Variants in BRWD1 observed in about 807,000 individuals in gnomAD.
The protein encoded by BRWD1 is bromodomain and WD repeat-containing protein 1.
In BRWD1, 82 loss-of-function variants were observed where a neutral mutation model predicts 251.2. That is an observed-to-expected ratio of 0.33 (90% CI 0.27 to 0.39). The LOEUF (loss-of-function observed/expected upper bound fraction) is 0.39, where lower values mean the gene tolerates loss of function less well. BRWD1 is among the 10% of genes least tolerant of loss of function. The pLI, the probability that BRWD1 is intolerant of heterozygous loss-of-function variation, is 1.00. For synonymous variants in BRWD1, 918 were observed against 902.8 expected, an observed-to-expected ratio of 1.02 and a Z score of -0.30; for missense variants, 2,233 against 2,711.6, an observed-to-expected ratio of 0.82 and a Z score of 3.92.
rs75090981 is a variant in BRWD1, at chr21:39,313,589, G to GCGCCGCCGC, written c.-107_-99dup. The GCGCCGCCGC allele has an allele frequency of 3.0e-3, 1,973 of 650,252 alleles. 8 individuals carry two copies. Among genetic ancestry groups the GCGCCGCCGC allele is most frequent in the African/African-American group, 4.8e-3 (245 of 51,344 alleles). 40.3% of individuals were successfully genotyped at this position (650,252 alleles called of 1,614,324 possible). The stretch of plus-strand genomic sequence containing the variant: ...GCTGGCGTCCCCTCTTCTCAGGCGC[G>GCGCCGCCGC]CGCCGCCGCCGCCGCCGCCGCCGCC... On this transcript the variant is annotated 5_prime_UTR_variant, in exon 1 of 41. Transcript: ENST00000342449.
chr21:39,299,739 C>A (rs1395341802), intron 4 of BRWD1, among the ~76,000 whole-genome samples: 13 of 151,680 alleles, frequency 8.6e-5, no homozygotes, highest in African/African-American at 3.2e-4. Context: ...CTTTGGGAGG[C>A]CGAGGCAGGT....
At chr21:39,207,443 A>AG in intron 36 of BRWD1, among the ~76,000 whole-genome samples, 1 of 59,898 alleles carries the variant, frequency 1.7e-5, no homozygotes, top group Non-Finnish European at 3.3e-5. Flanking sequence ...AAAAAAGAAA[A>AG]AAAAGAAAAC....
Position 39,193,799 on chromosome 21 carries a change from G to C in BRWD1, c.*2460C>G. 1.0e-6 allele frequency: 1 copy of C among 985,254 alleles called. No homozygotes were observed. Among genetic ancestry groups the C allele is most frequent in the Non-Finnish European group, 1.2e-6 (1 of 829,590 alleles). The allele number at this position is 985,254 out of a possible 1,614,324, so 61.0% of individuals were successfully genotyped here. ...CATTTTGCATAACGTAGAAAAAAAAGGCCAAACATGTTCTAGTGCTCAATG... is the reference window on the plus strand; with the variant it reads ...CATTTTGCATAACGTAGAAAAAAAACGCCAAACATGTTCTAGTGCTCAATG... On this transcript the variant is annotated 3_prime_UTR_variant, in exon 41 of 41. Transcript: ENST00000342449.
chr21:39,204,579 T>C (rs1188938559), intron 37 of BRWD1, among the ~76,000 whole-genome samples: 1 of 152,214 alleles, frequency 6.6e-6, no homozygotes, highest in African/African-American at 2.4e-5. Flanking sequence ...GGGTACATTT[T>C]CCCTTACACA....
intron 1 of BRWD1, among the ~76,000 whole-genome samples, chr21:39,319,722 T>C (rs1318201814): frequency 2.6e-5 from 4 of 152,206 alleles, no homozygotes; most frequent in Non-Finnish European, 5.9e-5. Context: ...TGCCCAGCTC[T>C]CAACATGACC....
At chr21:39,264,367 T>G in intron 17 of BRWD1, 93 bp downstream of exon 17, 1 of 758,960 alleles carries the variant, frequency 1.3e-6, no homozygotes, top group Non-Finnish European at 2.0e-6. Flanking sequence ...ATATTAATAA[T>G]TGGGGATCTA....
intron 27 of BRWD1, among the ~76,000 whole-genome samples, chr21:39,227,485 T>C (rs2033429183): frequency 6.6e-6 from 1 of 152,168 alleles, no homozygotes; most frequent in Admixed American, 6.5e-5. Flanking sequence ...CAACTCTGAA[T>C]AAGTGAGCCC....
intron 13 of BRWD1, among the ~76,000 whole-genome samples, chr21:39,272,779 T>C (rs1003149302): frequency 6.6e-6 from 1 of 151,976 alleles, no homozygotes; most frequent in Non-Finnish European, 1.5e-5. Flanking sequence ...GGCTAATTTT[T>C]CTATTTTTTT....
At chr21:39,251,362 A>G (rs1214770980) in intron 19 of BRWD1, among the ~76,000 whole-genome samples, 1 of 152,164 alleles carries the variant, frequency 6.6e-6, no homozygotes, top group African/African-American at 2.4e-5. Flanking sequence ...ATTGTGACCA[A>G]TTTCAAAGCA....
chr21:39,230,756 T>C (rs1175148552), intron 25 of BRWD1, among the ~76,000 whole-genome samples: 1 of 151,276 alleles, frequency 6.6e-6, no homozygotes, highest in Non-Finnish European at 1.5e-5. Context: ...ATGGAAAACA[T>C]GTGGCACTGA....
chr21:39,243,541 G>A (rs906184445), intron 21 of BRWD1, among the ~76,000 whole-genome samples: 1 of 152,130 alleles, frequency 6.6e-6, no homozygotes, highest in African/African-American at 2.4e-5. Flanking sequence ...AACCTCCTAG[G>A]CTCAAGTGAT....
At chr21:39,265,531 C>A (rs1280279286) in intron 15 of BRWD1, among the ~76,000 whole-genome samples, 1 of 152,112 alleles carries the variant, frequency 6.6e-6, no homozygotes, top group Non-Finnish European at 1.5e-5. Context: ...AGAAAAAAGT[C>A]TTCAAAGTTC....
At chr21:39,237,306 C>T (rs962142564) in intron 22 of BRWD1, among the ~76,000 whole-genome samples, 7 of 152,156 alleles carry the variant, frequency 4.6e-5, no homozygotes, top group African/African-American at 1.7e-4. Context: ...CAAGAGGAGT[C>T]TCCCTGATAG....
At chr21:39,245,705 T>A (rs1023033365) in intron 21 of BRWD1, among the ~76,000 whole-genome samples, 1 of 151,970 alleles carries the variant, frequency 6.6e-6, no homozygotes, top group African/African-American at 2.4e-5. Context: ...GTTCAAGCTA[T>A]TCTCCTGCCT....
At chr21:39,239,961 A>C (rs908683987) in intron 21 of BRWD1, among the ~76,000 whole-genome samples, 10 of 152,182 alleles carry the variant, frequency 6.6e-5, no homozygotes, top group African/African-American at 2.4e-4. Context: ...CCAACTTTAT[A>C]ATGGCCAAAT....
intron 4 of BRWD1, among the ~76,000 whole-genome samples, chr21:39,312,200 G>A (rs556648987): frequency 5.4e-4 from 82 of 152,246 alleles, no homozygotes; most frequent in Non-Finnish European, 9.9e-4. Flanking sequence ...AAAGAAAAGT[G>A]CCTATTTAAA....
intron 39 of BRWD1, among the ~76,000 whole-genome samples, chr21:39,199,971 CG>C (rs369023838): frequency 0.018 from 2,733 of 152,256 alleles, 34 homozygotes; most frequent in Non-Finnish European, 0.029. Flanking sequence ...AGGCTGGTCT[CG>C]AAACTCCTGA....
rs560906405 is a variant in BRWD1, at chr21:39,298,615, TTAA to T, written c.199-36_199-34del. The T allele has an allele frequency of 1.3e-5, 19 of 1,514,386 alleles. No individual in the cohort carries two copies. In the East Asian group the frequency reaches 3.3e-4, roughly 27 times the overall value. 93.8% of individuals were successfully genotyped at this position (1,514,386 alleles called of 1,614,324 possible). On this transcript the variant is annotated intron_variant, in intron 4 of 40. Coordinates refer to ENST00000342449, the MANE Select transcript of BRWD1 (RefSeq NM_033656.4). ...GAGAGCAAGTTTTAATGACAACAGC[TTAA>T]TAATATCAAAAACTATTAAATACTT...
intron 4 of BRWD1, among the ~76,000 whole-genome samples, chr21:39,303,594 A>G (rs966465411): frequency 6.6e-6 from 1 of 151,260 alleles, no homozygotes; most frequent in Non-Finnish European, 1.5e-5. Flanking sequence ...CCACTTTGGG[A>G]GACTGACGGC....
Sources: allele counts gnomAD v4.1 joint callset (sites outside exome capture counted in the v4.1 genomes callset), GRCh38; gene constraint gnomAD v4.1.1; transcripts MANE v1.5; gene names NCBI Gene and HGNC (gene_info 2026-07-23, HGNC 2026-07-21).